Variants in AGBL1 observed in about 807,000 individuals in gnomAD.
AGBL1 encodes cytosolic carboxypeptidase 4.
Under a neutral mutation model 118.9 loss-of-function variants are expected in AGBL1, and 130 were observed. That is an observed-to-expected ratio of 1.09 (90% CI 0.95 to 1.26). The LOEUF is 1.26. AGBL1 is among the 50% of genes most tolerant of loss of function. The pLI, the probability that AGBL1 is intolerant of heterozygous loss-of-function variation, is 0.00. For missense variants in AGBL1, 1,584 were observed against 1,298.1 expected (o/e 1.22, Z -3.38); for synonymous variants, 555 against 478.9 (o/e 1.16, Z -2.08).
chr15:86,606,997 A>G (rs2084586886), intron 21 of AGBL1, among the ~76,000 whole-genome samples: 1 of 109,268 alleles, frequency 9.2e-6, no homozygotes, highest in Non-Finnish European at 2.0e-5. Context: ...GGTGGAAATT[A>G]CTGAATTTTA....
intron 17 of AGBL1, among the ~76,000 whole-genome samples, chr15:86,392,939 A>G (rs1233306869): frequency 6.6e-6 from 1 of 152,184 alleles, no homozygotes; most frequent in African/African-American, 2.4e-5. Flanking sequence ...ACCACATGGT[A>G]TGTGTGGTGC....
intron 17 of AGBL1, among the ~76,000 whole-genome samples, chr15:86,373,100 C>T (rs1039168528): frequency 3.3e-5 from 5 of 152,208 alleles, no homozygotes; most frequent in African/African-American, 1.2e-4. Context: ...CTTCAAATAG[C>T]ATGCAGCCTA....
At chr15:86,850,868 T>C (rs75038461) in intron 22 of AGBL1, among the ~76,000 whole-genome samples, 12,082 of 152,248 alleles carry the variant, frequency 0.079, 620 homozygotes, top group Non-Finnish European at 0.12. Context: ...CTGGTCAACA[T>C]TGATAGTAAT....
At chr15:86,383,151 T>C (rs190210330) in intron 17 of AGBL1, among the ~76,000 whole-genome samples, 264 of 147,576 alleles carry the variant, frequency 1.8e-3, no homozygotes, top group Non-Finnish European at 2.6e-3. Flanking sequence ...GCTGTCTAGA[T>C]GTCAGCTGTC....
intron 22 of AGBL1, among the ~76,000 whole-genome samples, chr15:86,719,435 A>C (rs916198852): frequency 1.3e-5 from 2 of 152,174 alleles, no homozygotes; most frequent in African/African-American, 4.8e-5. Flanking sequence ...AAAGAAAAAG[A>C]CACAGCATCC....
intron 22 of AGBL1, among the ~76,000 whole-genome samples, chr15:86,804,295 C>T (rs937713941): frequency 6.6e-6 from 1 of 152,130 alleles, no homozygotes; most frequent in Non-Finnish European, 1.5e-5. Context: ...GGTTAATTGT[C>T]ATTAGAAAAG....
intron 21 of AGBL1, among the ~76,000 whole-genome samples, chr15:86,645,756 G>T (rs1465716585): frequency 6.6e-6 from 1 of 152,128 alleles, no homozygotes. Context: ...CACAGAATGA[G>T]TTAGAAATGT....
intron 21 of AGBL1, among the ~76,000 whole-genome samples, chr15:86,605,486 C>T (rs982782006): frequency 2.0e-5 from 3 of 152,106 alleles, no homozygotes; most frequent in Non-Finnish European, 4.4e-5. Context: ...GCATTAACTT[C>T]TACATTGAGG....
intron 6 of AGBL1, among the ~76,000 whole-genome samples, chr15:86,242,930 T>G (rs991193142): frequency 9.9e-5 from 15 of 152,242 alleles, no homozygotes; most frequent in Non-Finnish European, 2.2e-4. Context: ...TAGGCTTTCC[T>G]GTTTAGACCA....
chr15:86,207,771 G>C (rs1056780999), intron 5 of AGBL1, among the ~76,000 whole-genome samples: 1 of 152,176 alleles, frequency 6.6e-6, no homozygotes, highest in Non-Finnish European at 1.5e-5. Flanking sequence ...GGGAAAATTT[G>C]ACTTCCTCTT....
chr15:86,950,631 G>A (rs1356535852), intron 23 of AGBL1, among the ~76,000 whole-genome samples: 1 of 151,604 alleles, frequency 6.6e-6, no homozygotes, highest in Non-Finnish European at 1.5e-5. Context: ...AACCACTGGA[G>A]GATGGAATGG....
At chr15:86,511,781 A>G (rs996505346) in intron 18 of AGBL1, among the ~76,000 whole-genome samples, 2 of 151,928 alleles carry the variant, frequency 1.3e-5, no homozygotes, top group African/African-American at 4.8e-5. Context: ...ACAGCTTTTG[A>G]TACTCACCTG....
downstream of AGBL1, among the ~76,000 whole-genome samples, chr15:86,919,061 T>G (rs2080458471): frequency 6.6e-6 from 1 of 152,220 alleles, no homozygotes; most frequent in Admixed American, 6.5e-5. Flanking sequence ...CCTTGCAGAC[T>G]TACGCTCAGA....
At chr15:86,777,962 A>T (rs1165457397) in intron 22 of AGBL1, among the ~76,000 whole-genome samples, 1 of 152,152 alleles carries the variant, frequency 6.6e-6, no homozygotes, top group East Asian at 1.9e-4. Context: ...ATATCGGGCG[A>T]AGTTCACCCC....
At chr15:86,818,361 G>A (rs1014405334) in intron 22 of AGBL1, among the ~76,000 whole-genome samples, 2 of 152,156 alleles carry the variant, frequency 1.3e-5, no homozygotes, top group Admixed American at 6.5e-5. Context: ...TGTCAGATAA[G>A]CGGCAGCATT....
At chr15:86,947,825 C>T (rs185960476) in intron 23 of AGBL1, among the ~76,000 whole-genome samples, 2 of 152,254 alleles carry the variant, frequency 1.3e-5, no homozygotes, top group African/African-American at 4.8e-5. Context: ...ATAATTCATA[C>T]AGATTATCTG....
At chr15:86,488,516 T>C (rs554803886) in intron 18 of AGBL1, among the ~76,000 whole-genome samples, 2 of 152,124 alleles carry the variant, frequency 1.3e-5, no homozygotes, top group East Asian at 3.9e-4. Context: ...TCAGATGCGG[T>C]CCTAAGATAA....
At chr15:86,443,752 C>G (rs2082090721) in intron 18 of AGBL1, among the ~76,000 whole-genome samples, 1 of 152,168 alleles carries the variant, frequency 6.6e-6, no homozygotes, top group East Asian at 1.9e-4. Flanking sequence ...CCTCCAAACT[C>G]ACCTGTGTTG....
At chr15:86,987,121 A>G (rs181895923) in intron 23 of AGBL1, among the ~76,000 whole-genome samples, 3 of 152,166 alleles carry the variant, frequency 2.0e-5, no homozygotes, top group Admixed American at 6.5e-5. Flanking sequence ...TTTGTGGTGG[A>G]ATGTCATCAG....
Sources: gnomAD v4.1 joint callset for allele counts (sites outside exome capture counted in the v4.1 genomes callset) on GRCh38, gnomAD v4.1.1 for gene constraint, MANE v1.5 for transcripts, NCBI Gene and HGNC (gene_info 2026-07-23, HGNC 2026-07-21) for gene names.